The following C1QTNF6 variants were observed in gnomAD, a reference collection of about 807,000 sequenced individuals.
C1QTNF6 encodes C1q and TNF related 6.
In C1QTNF6, 17 loss-of-function variants were observed where a neutral mutation model predicts 20.7. The observed-to-expected ratio is 0.82, with a 90% CI of 0.56 to 1.23. The LOEUF (loss-of-function observed/expected upper bound fraction) is 1.23, where lower values mean the gene tolerates loss of function less well. Ranked by LOEUF, C1QTNF6 falls within the 50% of genes most tolerant of loss-of-function variation. C1QTNF6 has a pLI of 0.00. For synonymous variants in C1QTNF6, 130 were observed against 156.3 expected, an observed-to-expected ratio of 0.83 and a Z score of 1.25; for missense variants, 329 against 389.7, an observed-to-expected ratio of 0.84 and a Z score of 1.31.
upstream of C1QTNF6, among the ~76,000 whole-genome samples, chr22:37,189,256 T>C (rs1306928380): frequency 1.3e-5 from 2 of 152,236 alleles, no homozygotes; most frequent in East Asian, 1.9e-4. Context: ...GTCACTTTCA[T>C]TGCAATCTTA....
At chr22:37,190,144 T>C (rs1463239986), upstream of C1QTNF6, among the ~76,000 whole-genome samples, 2 of 152,250 alleles carry the variant, frequency 1.3e-5, no homozygotes, top group Non-Finnish European at 2.9e-5. Flanking sequence ...CTAGAATCTA[T>C]GACAGGTGTA....
intron 2 of C1QTNF6, among the ~76,000 whole-genome samples, chr22:37,193,614 C>T (rs769976522): frequency 7.2e-5 from 11 of 152,158 alleles, no homozygotes; most frequent in Non-Finnish European, 1.2e-4. Flanking sequence ...AGACTCTAGC[C>T]GGGACAAACA....
chr22:37,185,379 A>G lies in C1QTNF6; in HGVS notation c.128T>C (p.Met43Thr). 6.2e-7 allele frequency: 1 copy of G among 1,613,682 alleles called. No homozygotes were observed. Among genetic ancestry groups the G allele is most frequent in the Non-Finnish European group, 8.5e-7 (1 of 1,179,900 alleles). ...LLFLLMCEIPMVELTFDRAVA... is the reference protein window; with the variant it reads ...LLFLLMCEIPTVELTFDRAVA... ...AGCTCTGTCAAAGGTGAGCTCCACCATAGGGATCTCACACATCAGGAGAAA... is the reference window on the plus strand; with the variant it reads ...AGCTCTGTCAAAGGTGAGCTCCACCGTAGGGATCTCACACATCAGGAGAAA... The change falls in exon 2 of 3, where the codon ATG becomes ACG. Residue 43 changes from methionine (M) to threonine (T), a missense_variant. Transcript: ENST00000337843.
intron 2 of C1QTNF6, among the ~76,000 whole-genome samples, chr22:37,193,705 A>G (rs1478389676): frequency 6.6e-6 from 1 of 152,232 alleles, no homozygotes; most frequent in African/African-American, 2.4e-5. Context: ...GTTAGCACTT[A>G]ACCCAGGTAT....
At position 37,184,682 on chromosome 22, in the gene C1QTNF6, C is replaced by CT. The variant is rs1924136227; in HGVS notation, c.289+535_289+536insA. 1.3e-5 allele frequency among the ~76,000 whole-genome samples: 2 copies of CT among 152,174 alleles called. No individual in the cohort carries two copies. Among genetic ancestry groups the CT allele is most frequent in the Non-Finnish European group, 1.5e-5 (1 of 68,028 alleles). Reference sequence around the variant, plus strand: ...CAAGTCCCTGTCCCACCCAAACCTGCCCCTGTTCCCACTCCACTCAGCGGA... The same window carrying CT: ...CAAGTCCCTGTCCCACCCAAACCTGCTCCCTGTTCCCACTCCACTCAGCGGA... On this transcript the variant is annotated intron_variant, in intron 2 of 2. Transcript: ENST00000337843. This position sits in a 1 kb window ranked among gnomAD's most constrained non-coding sequence, Gnocchi z 4.0.
chr22:37,186,471 G>A (rs1029557460), intron 1 of C1QTNF6, among the ~76,000 whole-genome samples: 2 of 152,198 alleles, frequency 1.3e-5, no homozygotes, highest in Non-Finnish European at 2.9e-5. Context: ...CAGATGCCAA[G>A]GTGGTAAATT....
chr22:37,194,653 C>G (rs143835716), intron 2 of C1QTNF6, among the ~76,000 whole-genome samples: 2 of 152,212 alleles, frequency 1.3e-5, no homozygotes, highest in African/African-American at 4.8e-5. Context: ...GTCCAACAGG[C>G]TGCATGGGGA....
chr22:37,186,073 A>G, intron 1 of C1QTNF6: 3 of 985,538 alleles, frequency 3.0e-6, no homozygotes, highest in Non-Finnish European at 3.6e-6. Context: ...AAGAGAGTTC[A>G]TTGATCCTAG....
chr22:37,199,083 C>T (rs1049206671), upstream of C1QTNF6, among the ~76,000 whole-genome samples: 4 of 152,328 alleles, frequency 2.6e-5, no homozygotes, highest in Non-Finnish European at 5.9e-5. Flanking sequence ...GAGGGGAAAC[C>T]GAGACTCAGG....
chr22:37,193,981 A>C (rs1924979959), intron 2 of C1QTNF6, among the ~76,000 whole-genome samples: 1 of 152,212 alleles, frequency 6.6e-6, no homozygotes, highest in Admixed American at 6.5e-5. Flanking sequence ...TCCTGGAAGG[A>C]GCCCAGAGAA....
intron 1 of C1QTNF6, among the ~76,000 whole-genome samples, chr22:37,186,984 G>A (rs887715267): frequency 2.6e-5 from 4 of 152,116 alleles, no homozygotes; most frequent in Non-Finnish European, 4.4e-5. Context: ...GGGAGGCCAC[G>A]GAGAGAGGAT....
At chr22:37,195,032 T>C (rs1036611998) in intron 2 of C1QTNF6, among the ~76,000 whole-genome samples, 11 of 152,200 alleles carry the variant, frequency 7.2e-5, no homozygotes, top group Non-Finnish European at 1.2e-4. Context: ...AATCTCATCA[T>C]CTCTAAAGTT....
intron 2 of C1QTNF6, 183 bp from the exon 3 acceptor site, chr22:37,182,918 C>A: frequency 3.5e-6 from 5 of 1,433,648 alleles, no homozygotes; most frequent in Non-Finnish European, 4.5e-6. Flanking sequence ...AACATCATGA[C>A]CGTCTTCACT....
upstream of C1QTNF6, chr22:37,191,034 T>C (rs1335537714): frequency 6.6e-6 from 1 of 152,180 alleles, no homozygotes; most frequent in East Asian, 1.9e-4. Context: ...CTGTTTTGCT[T>C]GATATATATG....
At position 37,188,219 on chromosome 22, in the gene C1QTNF6, C is replaced by G; in HGVS notation, c.-6G>C. The stretch of plus-strand genomic sequence containing the variant: ...CGGACCCTGAGCCACTGCATGGCCT[C>G]TGGCTCCTTGGCCCATGTCTGCAAT... On this transcript the variant is annotated 5_prime_UTR_variant, in exon 1 of 3. Transcript: ENST00000337843. The G allele has an allele frequency of 6.2e-7, 1 of 1,602,888 alleles. No individual in the cohort carries two copies. The highest frequency in any genetic ancestry group is 8.5e-7 in the Non-Finnish European group (1 of 1,174,402).
intron 2 of C1QTNF6, among the ~76,000 whole-genome samples, chr22:37,183,332 T>C (rs1014639837): frequency 6.6e-6 from 1 of 152,218 alleles, no homozygotes; most frequent in Admixed American, 6.5e-5. Flanking sequence ...GGGGTGTTTG[T>C]GAGCCCTCAA....
At chr22:37,182,824 T>C (rs772094677) in intron 2 of C1QTNF6, 89 bp from the exon 3 acceptor site, 2 of 1,463,268 alleles carry the variant, frequency 1.4e-6, no homozygotes, top group Non-Finnish European at 1.8e-6. Flanking sequence ...GCTCTGCCCC[T>C]GTCCTGGCCC....
upstream of C1QTNF6, among the ~76,000 whole-genome samples, chr22:37,189,263 C>A (rs1481356362): frequency 2.0e-5 from 3 of 152,184 alleles, no homozygotes; most frequent in Admixed American, 2.0e-4. Context: ...TCATTGCAAT[C>A]TTAGATTTGG....
intron 1 of C1QTNF6, 169 bp from the exon 2 acceptor site, chr22:37,185,624 A>G: frequency 7.5e-7 from 1 of 1,336,856 alleles, no homozygotes; most frequent in Non-Finnish European, 9.6e-7. Context: ...ACCTCCACAG[A>G]GCAGCAAGTT....
Sources: gnomAD v4.1 joint callset for allele counts (sites outside exome capture counted in the v4.1 genomes callset) on GRCh38, gnomAD v4.1.1 for gene constraint, Gnocchi (gnomAD v3.1) non-coding constraint, MANE v1.5 for transcripts, NCBI Gene and HGNC (gene_info 2026-07-23, HGNC 2026-07-21) for gene names.